The following ZNF423 variants were observed in gnomAD, a reference collection of about 807,000 sequenced individuals.
ZNF423 encodes zinc finger protein 423, also known as Ebf-associated zinc finger protein.
Under a neutral mutation model 95.8 loss-of-function variants are expected in ZNF423, and 12 were observed. The ratio of observed to expected loss-of-function variants is 0.13; its 90% CI spans 0.08 to 0.20. The LOEUF is 0.20. Among genes scored for constraint, ZNF423 ranks in the 10% least tolerant of loss-of-function variants. The pLI is 1.00. For synonymous variants in ZNF423, 749 were observed against 711.9 expected (o/e 1.05, Z -0.83); for missense variants, 1,316 against 1,737.1 (o/e 0.76, Z 4.31).
chr16:49,643,445 G>A (rs1382538724), intron 3 of ZNF423, among the ~76,000 whole-genome samples: 2 of 152,058 alleles, frequency 1.3e-5, no homozygotes, highest in Admixed American at 1.3e-4. Flanking sequence ...GGCACAGAGC[G>A]ACTGAGTGAC....
At chr16:49,542,621 C>T (rs1471756238) in intron 5 of ZNF423, among the ~76,000 whole-genome samples, 1 of 152,222 alleles carries the variant, frequency 6.6e-6, no homozygotes, top group African/African-American at 2.4e-5. Context: ...GGCCTGGGAC[C>T]CCCCATGAGG....
At position 49,637,770 on chromosome 16, in the gene ZNF423, C is replaced by A. The variant is rs200959271; in HGVS notation, c.1406G>T (p.Arg469Leu). Reference sequence around the variant, plus strand: ...GTAGGCATGGTTCTTGTGCAGCTTGCGAACGTGCTCGTTGAGGTTGTAGAG... The same window carrying A: ...GTAGGCATGGTTCTTGTGCAGCTTGAGAACGTGCTCGTTGAGGTTGTAGAG... ...PTLYNLNEHV[R>L]KLHKNHAYPV... The change falls in exon 4 of 8, where the codon CGC becomes CTC. Residue 469 changes from arginine to leucine, a missense_variant. Physicochemically the swap from Arg to Leu is moderately radical, Grantham distance 102. Transcript: ENST00000563137. The surrounding 1 kb of genome is among the most constrained non-coding windows in gnomAD (Gnocchi z 5.6). 6.2e-7 allele frequency: 1 copy of A among 1,614,050 alleles called. No homozygotes were observed. Among genetic ancestry groups the A allele is most frequent in the Non-Finnish European group, 8.5e-7 (1 of 1,180,020 alleles).
At position 49,854,657 on chromosome 16, in the gene ZNF423, G is replaced by C. The variant is rs753364831; in HGVS notation, c.40+1078C>G. On this transcript the variant is annotated intron_variant, in intron 1 of 7. Transcript: ENST00000563137. ...GGCACCCAACCGAGGGGCTAGAATCGGGACAAAGCAGCAGGCAAGGCCTGG... is the reference window on the plus strand; with the variant it reads ...GGCACCCAACCGAGGGGCTAGAATCCGGACAAAGCAGCAGGCAAGGCCTGG... 5 of 985,234 alleles carry C rather than the reference G, an allele frequency of 5.1e-6. No homozygotes were observed. The African/African-American group carries it at 5.2e-5, about 10-fold the overall frequency. The allele number at this position is 985,234 out of a possible 1,614,324, so 61.0% of individuals were successfully genotyped here.
At chr16:49,759,216 G>A (rs2033781701) in intron 2 of ZNF423, among the ~76,000 whole-genome samples, 4 of 152,102 alleles carry the variant, frequency 2.6e-5, no homozygotes, top group Admixed American at 6.5e-5. Context: ...TGGCCAACAC[G>A]GTGAAACCCC....
intron 5 of ZNF423, among the ~76,000 whole-genome samples, chr16:49,565,873 G>T (rs1184574198): frequency 6.6e-6 from 1 of 151,332 alleles, no homozygotes; most frequent in Non-Finnish European, 1.5e-5. Context: ...TGGAAGGAGA[G>T]AATGGAGAGG....
intron 2 of ZNF423, among the ~76,000 whole-genome samples, chr16:49,742,838 G>C (rs2033442622): frequency 6.6e-6 from 1 of 152,156 alleles, no homozygotes. Flanking sequence ...AGCAGGGAGA[G>C]GAGGGATCTG....
At chr16:49,662,559 A>G (rs1217544170) in intron 3 of ZNF423, among the ~76,000 whole-genome samples, 1 of 152,234 alleles carries the variant, frequency 6.6e-6, no homozygotes, top group Non-Finnish European at 1.5e-5. Context: ...ATGAAGAAAC[A>G]AAGTCCTTGC....
intron 5 of ZNF423, among the ~76,000 whole-genome samples, chr16:49,577,289 A>G (rs1970529690): frequency 6.6e-6 from 1 of 152,172 alleles, no homozygotes; most frequent in Non-Finnish European, 1.5e-5. Context: ...ACACTGATCT[A>G]TGCACTCTAC....
chr16:49,695,673 C>A (rs2031942699), intron 3 of ZNF423, among the ~76,000 whole-genome samples: 1 of 152,244 alleles, frequency 6.6e-6, no homozygotes, highest in Non-Finnish European at 1.5e-5. Context: ...GTGATCCACC[C>A]ACCTCGGCCT....
intron 5 of ZNF423, among the ~76,000 whole-genome samples, chr16:49,571,705 T>C (rs1305267363): frequency 6.6e-6 from 1 of 152,066 alleles, no homozygotes; most frequent in East Asian, 1.9e-4. Flanking sequence ...GAGCGTAGAA[T>C]AGACCAGAAG....
At chr16:49,762,049 T>C (rs1369747775) in intron 2 of ZNF423, among the ~76,000 whole-genome samples, 1 of 152,150 alleles carries the variant, frequency 6.6e-6, no homozygotes, top group African/African-American at 2.4e-5. Flanking sequence ...TGGCCTCAAG[T>C]GATCCTCCCA....
At chr16:49,664,044 C>A in intron 3 of ZNF423, 1 of 984,814 alleles carries the variant, frequency 1.0e-6, no homozygotes, top group Non-Finnish European at 1.2e-6. Context: ...ATTCTTCCCC[C>A]TTCCAACCCA....
At chr16:49,523,888 T>C in intron 6 of ZNF423, 149 bp from the exon 7 acceptor site, 1 of 646,780 alleles carries the variant, frequency 1.5e-6, no homozygotes, top group Non-Finnish European at 2.7e-6. Context: ...TCTTAGCACA[T>C]ACTAGAGGAG....
chr16:49,772,289 G>T (rs967087349), intron 2 of ZNF423, among the ~76,000 whole-genome samples: 1 of 152,206 alleles, frequency 6.6e-6, no homozygotes, highest in Non-Finnish European at 1.5e-5. Context: ...CATTCTATCC[G>T]GACCATCAGT....
chr16:49,853,199 A>G (rs1401482492), intron 1 of ZNF423, among the ~76,000 whole-genome samples: 1 of 150,690 alleles, frequency 6.6e-6, no homozygotes, highest in Non-Finnish European at 1.5e-5. Context: ...AGCACTTTCA[A>G]GCATCTTTAA....
chr16:49,618,818 G>A (rs1230529942), intron 5 of ZNF423, among the ~76,000 whole-genome samples: 1 of 152,098 alleles, frequency 6.6e-6, no homozygotes, highest in African/African-American at 2.4e-5. Flanking sequence ...AGACCTTTGA[G>A]TCTTCCTAAC....
intron 1 of ZNF423, chr16:49,827,060 C>G (rs1352320212): frequency 6.6e-6 from 1 of 152,100 alleles, no homozygotes; most frequent in Non-Finnish European, 1.5e-5. Flanking sequence ...GCAAGTATTG[C>G]AACATTTTAA....
At chr16:49,856,151 CCCT>C (rs906803096), upstream of ZNF423, 1 of 135,774 alleles carries the variant, frequency 7.4e-6, no homozygotes, top group Non-Finnish European at 1.6e-5. Context: ...AAAGCCGCCC[CCCT>C]CCTCCTCCCA....
At chr16:49,733,610 T>G (rs1271248230) in intron 2 of ZNF423, among the ~76,000 whole-genome samples, 3 of 152,092 alleles carry the variant, frequency 2.0e-5, no homozygotes, top group African/African-American at 4.8e-5. Flanking sequence ...CGGCTACTAA[T>G]GGGAAGGGAG....
Sources: gnomAD v4.1 joint callset for allele counts (sites outside exome capture counted in the v4.1 genomes callset) on GRCh38, gnomAD v4.1.1 for gene constraint, Gnocchi (gnomAD v3.1) non-coding constraint, MANE v1.5 for transcripts, NCBI Gene and HGNC (gene_info 2026-07-23, HGNC 2026-07-21) for gene names.